The following PDGFC variants were observed in gnomAD, a reference collection of about 807,000 sequenced individuals.
PDGFC encodes platelet-derived growth factor C.
Under a neutral mutation model 35.5 loss-of-function variants are expected in PDGFC, and 12 were observed. That is an observed-to-expected ratio of 0.34 (90% CI 0.22 to 0.55). The LOEUF (loss-of-function observed/expected upper bound fraction) is 0.55. Among genes scored for constraint, PDGFC ranks in the 20% least tolerant of loss-of-function variants. PDGFC has a pLI of 0.91. For missense variants in PDGFC, 322 were observed against 412.4 expected (o/e 0.78, Z 1.90); for synonymous variants, 159 against 148.8 (o/e 1.07, Z -0.50).
At chr4:156,826,572 C>T (rs1027001436) in intron 2 of PDGFC, among the ~76,000 whole-genome samples, 2 of 152,050 alleles carry the variant, frequency 1.3e-5, no homozygotes, top group Non-Finnish European at 2.9e-5. Context: ...TATCATTTTA[C>T]AATTAATCAA....
chr4:156,782,629 T>C (rs1731013828), intron 3 of PDGFC, among the ~76,000 whole-genome samples: 1 of 152,192 alleles, frequency 6.6e-6, no homozygotes, highest in South Asian at 2.1e-4. Flanking sequence ...TATATGTTCT[T>C]TGGTCATGTT....
At chr4:156,920,684 CACACACATAT>C (rs1458751718) in intron 1 of PDGFC, among the ~76,000 whole-genome samples, 2 of 146,216 alleles carry the variant, frequency 1.4e-5, no homozygotes, top group Non-Finnish European at 3.0e-5. Context: ...CACACACACA[CACACACATAT>C]ACACACACTG....
At chr4:156,850,438 T>G (rs780776930) in intron 1 of PDGFC, 22 bp from the exon 2 acceptor site, 1 of 1,405,216 alleles carries the variant, frequency 7.1e-7, no homozygotes, top group African/African-American at 1.4e-5. Context: ...AACATAGACA[T>G]AGACATACAT....
intron 3 of PDGFC, among the ~76,000 whole-genome samples, chr4:156,785,518 G>C (rs1242056676): frequency 6.6e-6 from 1 of 152,068 alleles, no homozygotes; most frequent in African/African-American, 2.4e-5. Context: ...CCGGCCCTAA[G>C]TTTAATAAAC....
At chr4:156,862,837 G>A (rs1466221310) in intron 1 of PDGFC, among the ~76,000 whole-genome samples, 2 of 151,682 alleles carry the variant, frequency 1.3e-5, no homozygotes, top group Non-Finnish European at 2.9e-5. Context: ...TGGGATTACA[G>A]GCACCTGCCA....
At chr4:156,807,487 T>C (rs950468888) in intron 3 of PDGFC, among the ~76,000 whole-genome samples, 3 of 152,000 alleles carry the variant, frequency 2.0e-5, no homozygotes, top group African/African-American at 7.2e-5. Flanking sequence ...CAGCATCACT[T>C]TATTCAAATG....
At chr4:156,961,706 T>C (rs186046230) in intron 1 of PDGFC, among the ~76,000 whole-genome samples, 15 of 152,328 alleles carry the variant, frequency 9.8e-5, no homozygotes, top group African/African-American at 3.4e-4. Context: ...AAAAGTGTTA[T>C]AACTGTTTTC....
At chr4:156,876,828 T>C (rs140771073) in intron 1 of PDGFC, 1 of 152,244 alleles carries the variant, frequency 6.6e-6, no homozygotes, top group South Asian at 2.1e-4. Flanking sequence ...GAATTTTTAT[T>C]GTTGTTAATA....
intron 1 of PDGFC, among the ~76,000 whole-genome samples, chr4:156,899,354 G>A (rs187965714): frequency 6.6e-6 from 1 of 152,194 alleles, no homozygotes; most frequent in African/African-American, 2.4e-5. Flanking sequence ...CTTGGATTTT[G>A]GTATCCATGG....
intron 3 of PDGFC, among the ~76,000 whole-genome samples, chr4:156,802,549 CACACAT>C (rs1190092080): frequency 1.6e-5 from 2 of 122,706 alleles, no homozygotes; most frequent in East Asian, 4.2e-4. Flanking sequence ...GAAACATACA[CACACAT>C]ACACACACAC....
intron 1 of PDGFC, among the ~76,000 whole-genome samples, chr4:156,875,686 G>C (rs1205168658): frequency 6.6e-6 from 1 of 152,184 alleles, no homozygotes; most frequent in Non-Finnish European, 1.5e-5. Flanking sequence ...GGGAGGCTGA[G>C]GTGGGCAGAT....
intron 2 of PDGFC, chr4:156,835,949 G>C (rs1338276155): frequency 6.6e-6 from 1 of 152,170 alleles, no homozygotes; most frequent in Non-Finnish European, 1.5e-5. Context: ...TCTCCTCAGA[G>C]TCTCCTGTGG....
intron 1 of PDGFC, among the ~76,000 whole-genome samples, chr4:156,894,605 A>G (rs1730587320): frequency 6.6e-6 from 1 of 152,230 alleles, no homozygotes; most frequent in Non-Finnish European, 1.5e-5. Context: ...TTCAATACTG[A>G]TTAATCCTCT....
chr4:156,948,842 G>A (rs1732009703), intron 1 of PDGFC, among the ~76,000 whole-genome samples: 1 of 151,874 alleles, frequency 6.6e-6, no homozygotes. Flanking sequence ...CTTAACATTA[G>A]AGTGTGAGCA....
chr4:156,899,779 C>T lies in PDGFC; in HGVS notation c.119-49363G>A, dbSNP rs189924564. Among the ~76,000 whole-genome samples, 532 of 152,320 alleles carry T rather than the reference C, an allele frequency of 3.5e-3. 4 individuals are homozygous for T. Among genetic ancestry groups the T allele is most frequent in the African/African-American group, 0.012 (502 of 41,566 alleles). ...ACAGTGAGCTGAGATTGTGCCATTG[C>T]ACTCCAGCCTGGGTGACAGAGTGAG... On this transcript the variant is annotated intron_variant, in intron 1 of 5. Coordinates refer to ENST00000502773, the MANE Select transcript of PDGFC (RefSeq NM_016205.3).
At chr4:156,951,271 A>C (rs1473464708) in intron 1 of PDGFC, among the ~76,000 whole-genome samples, 1 of 151,900 alleles carries the variant, frequency 6.6e-6, no homozygotes, top group Non-Finnish European at 1.5e-5. Flanking sequence ...AAATTTATTC[A>C]ATCAGATTTC....
intron 3 of PDGFC, among the ~76,000 whole-genome samples, chr4:156,780,131 TA>T (rs1730939391): frequency 6.9e-6 from 1 of 144,666 alleles, no homozygotes; most frequent in Non-Finnish European, 1.5e-5. Context: ...TTTTTTTTAC[TA>T]AAATTTGAAA....
intron 3 of PDGFC, among the ~76,000 whole-genome samples, chr4:156,789,216 A>T (rs1167512061): frequency 6.6e-6 from 1 of 152,238 alleles, no homozygotes; most frequent in Admixed American, 6.5e-5. Flanking sequence ...CGGAGTGCAG[A>T]CAGAAAAACT....
Position 156,762,400 on chromosome 4 carries a change from T to C in PDGFC, c.*690A>G, listed in dbSNP as rs1006680178. ...TACACAATGAAACAAATAAACTGAC[T>C]TATCGATAAAGTGAAGATAAGGCCA... On this transcript the variant is annotated 3_prime_UTR_variant, in exon 6 of 6. Transcript: ENST00000502773. The C allele has an allele frequency of 2.6e-5, 4 of 152,608 alleles. No individual in the cohort carries two copies. Among genetic ancestry groups the C allele is most frequent in the African/African-American group, 9.6e-5 (4 of 41,452 alleles). The allele number at this position is 152,608 out of a possible 1,614,324, so 9.5% of individuals were successfully genotyped here.
Sources: gnomAD v4.1 joint callset for allele counts (sites outside exome capture counted in the v4.1 genomes callset) on GRCh38, gnomAD v4.1.1 for gene constraint, MANE v1.5 for transcripts, NCBI Gene and HGNC (gene_info 2026-07-23, HGNC 2026-07-21) for gene names.